Variants in RAD51B observed in about 807,000 individuals in gnomAD.
RAD51B encodes the protein DNA repair protein RAD51 homolog 2.
RAD51B carries 38 observed loss-of-function variants against 42.2 expected under a neutral mutation model. The observed-to-expected ratio is 0.90, with a 90% confidence interval of 0.70 to 1.18. The LOEUF is 1.18. RAD51B is among the 50% of genes most tolerant of loss of function. The probability of loss-of-function intolerance (pLI) is 0.00; values close to 1 mark genes in which losing one functional copy is unlikely to be tolerated. For missense variants in RAD51B, 373 were observed against 400.7 expected (o/e 0.93, Z 0.59); for synonymous variants, 154 against 145.2 (o/e 1.06, Z -0.43).
intron 8 of RAD51B, among the ~76,000 whole-genome samples, chr14:68,332,494 C>T (rs1437752627): frequency 6.6e-6 from 1 of 152,194 alleles, no homozygotes; most frequent in Non-Finnish European, 1.5e-5. Context: ...TTCTAAACCT[C>T]TATAGGGTGC....
At chr14:67,910,815 A>ATT (rs575568902) in intron 7 of RAD51B, among the ~76,000 whole-genome samples, 202 of 144,514 alleles carry the variant, frequency 1.4e-3, no homozygotes, top group Middle Eastern at 3.5e-3. Context: ...GCCCAATGTC[A>ATT]TTTTTTTTTT....
intron 7 of RAD51B, among the ~76,000 whole-genome samples, chr14:68,225,656 G>A (rs866686363): frequency 6.6e-6 from 1 of 152,192 alleles, no homozygotes; most frequent in Non-Finnish European, 1.5e-5. Context: ...AGCCACAAAG[G>A]TGATAAAAGG....
intron 8 of RAD51B, among the ~76,000 whole-genome samples, chr14:68,403,895 C>T (rs2084189911): frequency 6.6e-6 from 1 of 152,164 alleles, no homozygotes; most frequent in Non-Finnish European, 1.5e-5. Flanking sequence ...TATCAAGTAT[C>T]TTCATCTAAG....
chr14:68,010,317 G>T (rs2075662307), intron 7 of RAD51B, among the ~76,000 whole-genome samples: 2 of 151,776 alleles, frequency 1.3e-5, no homozygotes, highest in Non-Finnish European at 3.0e-5. Context: ...AGAAAAATAA[G>T]AAATAACTTT....
intron 7 of RAD51B, among the ~76,000 whole-genome samples, chr14:67,929,341 A>G (rs1303414697): frequency 6.6e-6 from 1 of 152,044 alleles, no homozygotes; most frequent in Non-Finnish European, 1.5e-5. Flanking sequence ...TGATTCTTTC[A>G]TTGACCCAGT....
intron 10 of RAD51B, among the ~76,000 whole-genome samples, chr14:68,474,795 C>A (rs1365899607): frequency 2.0e-5 from 3 of 152,204 alleles, no homozygotes; most frequent in African/African-American, 7.2e-5. Flanking sequence ...ATACAATAAT[C>A]CTTCAACGAA....
At chr14:68,055,620 A>G (rs1173157760) in intron 7 of RAD51B, among the ~76,000 whole-genome samples, 1 of 152,192 alleles carries the variant, frequency 6.6e-6, no homozygotes, top group Non-Finnish European at 1.5e-5. Context: ...CATAGTGATT[A>G]AAAACAACAT....
chr14:68,022,893 A>G (rs557731928), intron 7 of RAD51B, among the ~76,000 whole-genome samples: 1 of 152,268 alleles, frequency 6.6e-6, no homozygotes, highest in South Asian at 2.1e-4. Context: ...ATATGTGAGA[A>G]CTTGTGGTAT....
At chr14:68,595,009 G>A in exon 11 of RAD51B, 1 of 1,074,648 alleles carries the variant, frequency 9.3e-7, no homozygotes, top group East Asian at 4.8e-5. Flanking sequence ...AGACAAACTA[G>A]GATCCAGTAG....
intron 7 of RAD51B, among the ~76,000 whole-genome samples, chr14:68,037,762 G>C (rs1177063123): frequency 6.6e-6 from 1 of 152,140 alleles, no homozygotes; most frequent in Admixed American, 6.5e-5. Flanking sequence ...CCACATGTTT[G>C]TTTTGCAGCA....
chr14:68,621,653 A>G (rs758183794), intron 10 of RAD51B, among the ~76,000 whole-genome samples: 2 of 152,276 alleles, frequency 1.3e-5, no homozygotes, highest in Admixed American at 6.5e-5. Flanking sequence ...TGGGGCCCCA[A>G]GGACATCAAG....
intron 11 of RAD51B, among the ~76,000 whole-genome samples, chr14:68,662,929 A>G (rs1178789350): frequency 6.6e-6 from 1 of 152,134 alleles, no homozygotes; most frequent in Admixed American, 6.5e-5. Flanking sequence ...CAGGAAGCTG[A>G]CCTTGTGGAC....
At chr14:67,952,524 C>T (rs1038849401) in intron 7 of RAD51B, among the ~76,000 whole-genome samples, 1 of 151,972 alleles carries the variant, frequency 6.6e-6, no homozygotes, top group African/African-American at 2.4e-5. Flanking sequence ...AAACTTATTC[C>T]TAAATGACAT....
chr14:68,591,322 T>C lies in RAD51B; in HGVS notation c.1037-3163T>C, dbSNP rs564695379. Among the ~76,000 whole-genome samples, 7 of 152,336 alleles carry C rather than the reference T, an allele frequency of 4.6e-5. No homozygotes were observed. The East Asian group carries it at 1.4e-3, about 29-fold the overall frequency. On this transcript the variant is annotated intron_variant, in intron 10 of 10. Coordinates refer to the RAD51B transcript ENST00000487270. ...GTTCTGCCAGGGACTCTGGATGCGC[T>C]GAACAACAGCCATCCTAGAGATTTG...
At chr14:68,479,667 C>CTTTTTTTTTTT (rs34999023), downstream of RAD51B, among the ~76,000 whole-genome samples, 26 of 96,438 alleles carry the variant, frequency 2.7e-4, no homozygotes, top group Non-Finnish European at 4.0e-4. Flanking sequence ...TCTTATTCTT[C>CTTTTTTTTTTT]TTTTTTTTTT....
chr14:67,975,105 C>A (rs966363606), intron 7 of RAD51B, among the ~76,000 whole-genome samples: 2 of 152,150 alleles, frequency 1.3e-5, no homozygotes, highest in Admixed American at 1.3e-4. Flanking sequence ...CATTTATTAC[C>A]TAATGGTTTC....
intron 7 of RAD51B, among the ~76,000 whole-genome samples, chr14:67,940,936 A>G (rs1253196707): frequency 6.6e-6 from 1 of 152,162 alleles, no homozygotes; most frequent in African/African-American, 2.4e-5. Context: ...CCTTCTTACA[A>G]CGTGGTCATA....
At chr14:68,415,345 G>A (rs762882533) in intron 9 of RAD51B, among the ~76,000 whole-genome samples, 7 of 152,168 alleles carry the variant, frequency 4.6e-5, no homozygotes, top group Non-Finnish European at 8.8e-5. Flanking sequence ...ATCGTCAGAG[G>A]GCACAGGCTG....
At chr14:68,581,046 G>T (rs1390066275) in intron 10 of RAD51B, among the ~76,000 whole-genome samples, 1 of 152,120 alleles carries the variant, frequency 6.6e-6, no homozygotes. Context: ...CAACTGTAAT[G>T]TAGGATTTTT....
Sources: gnomAD v4.1 joint callset for allele counts (sites outside exome capture counted in the v4.1 genomes callset) on GRCh38, gnomAD v4.1.1 for gene constraint, MANE v1.5 for transcripts, NCBI Gene and HGNC (gene_info 2026-07-23, HGNC 2026-07-21) for gene names.